CORO2B: variants seen among roughly 807,000 people sequenced by gnomAD.
CORO2B encodes coronin-2B.
CORO2B carries 26 observed loss-of-function variants against 58.8 expected under a neutral mutation model. That is an observed-to-expected ratio of 0.44 (90% CI 0.32 to 0.61). The LOEUF is 0.61. Among genes scored for constraint, CORO2B ranks in the 20% least tolerant of loss-of-function variants. The pLI is 0.04. For missense variants in CORO2B, 460 were observed against 645.1 expected, an observed-to-expected ratio of 0.71 and a Z score of 3.11; for synonymous variants, 242 against 253.8, an observed-to-expected ratio of 0.95 and a Z score of 0.44.
chr15:68,635,545 A>T (rs1276868912), intron 1 of CORO2B, among the ~76,000 whole-genome samples: 2 of 152,140 alleles, frequency 1.3e-5, no homozygotes, highest in Admixed American at 1.3e-4. Context: ...TGCAGTGTGG[A>T]CCGGTCATCC....
intron 1 of CORO2B, among the ~76,000 whole-genome samples, chr15:68,623,191 A>G (rs1456577870): frequency 6.6e-6 from 1 of 152,184 alleles, no homozygotes; most frequent in African/African-American, 2.4e-5. Flanking sequence ...AATTTAAATT[A>G]AAAAAAGATG....
At chr15:68,722,152 T>TG (rs1893177376) in intron 11 of CORO2B, among the ~76,000 whole-genome samples, 3 of 152,226 alleles carry the variant, frequency 2.0e-5, no homozygotes, top group Admixed American at 2.0e-4. Flanking sequence ...AGCTCAGTTC[T>TG]GGCACTGGGT....
At chr15:68,586,000 C>T (rs1899547084) in intron 1 of CORO2B, among the ~76,000 whole-genome samples, 1 of 152,174 alleles carries the variant, frequency 6.6e-6, no homozygotes, top group African/African-American at 2.4e-5. Context: ...CCTTACGAAG[C>T]AGCCTTTTCT....
At chr15:68,567,176 C>G in the CORO2B span, among the ~76,000 whole-genome samples, 4 of 152,186 alleles carry the variant, frequency 2.6e-5, no homozygotes, top group South Asian at 4.2e-4. Context: ...CTCCAACCCC[C>G]CTTCGGCTCT....
intron 11 of CORO2B, 52 bp from the exon 12 acceptor site, chr15:68,725,791 T>A (rs1674552672): frequency 6.2e-7 from 1 of 1,601,764 alleles, no homozygotes; most frequent in South Asian, 1.1e-5. Flanking sequence ...AATCCTTGTC[T>A]CACCTGCTCT....
At chr15:68,518,694 A>G in the CORO2B span, among the ~76,000 whole-genome samples, 17,723 of 151,274 alleles carry the variant, frequency 0.12, 1,294 homozygotes, top group Admixed American at 0.17. Flanking sequence ...GCTGATCTCT[A>G]CCCTAGGGTC....
At chr15:68,527,882 T>G in the CORO2B span, among the ~76,000 whole-genome samples, 1 of 152,202 alleles carries the variant, frequency 6.6e-6, no homozygotes, top group Non-Finnish European at 1.5e-5. Context: ...GTGTTTCCTA[T>G]TAATTGATGC....
At chr15:68,626,760 A>T (rs1456367323) in intron 1 of CORO2B, among the ~76,000 whole-genome samples, 2 of 152,086 alleles carry the variant, frequency 1.3e-5, no homozygotes, top group Non-Finnish European at 2.9e-5. Context: ...CTTATGAAAA[A>T]ACGTCTCCAC....
chr15:68,557,692 C>G, the CORO2B span, among the ~76,000 whole-genome samples: 1 of 152,354 alleles, frequency 6.6e-6, no homozygotes, highest in South Asian at 2.1e-4. Context: ...TTCATTATCC[C>G]TTTGAAGCAC....
intron 1 of CORO2B, among the ~76,000 whole-genome samples, chr15:68,582,573 T>G (rs1220143081): frequency 6.6e-6 from 1 of 152,246 alleles, no homozygotes; most frequent in East Asian, 1.9e-4. Flanking sequence ...AGACTAGCAG[T>G]GCTTCTCCAG....
chr15:68,595,309 C>G (rs958685610), intron 1 of CORO2B, among the ~76,000 whole-genome samples: 1 of 152,256 alleles, frequency 6.6e-6, no homozygotes. Flanking sequence ...TCCCTGAGAA[C>G]ACTGGCAGGA....
intron 1 of CORO2B, among the ~76,000 whole-genome samples, chr15:68,629,435 G>A (rs1900768088): frequency 1.3e-5 from 2 of 152,206 alleles, no homozygotes; most frequent in Admixed American, 6.5e-5. Flanking sequence ...GGACTGGAGT[G>A]GTCCTGACGC....
chr15:68,695,444 C>G (rs992725023), intron 3 of CORO2B, among the ~76,000 whole-genome samples, 188 bp downstream of exon 3: 3 of 152,216 alleles, frequency 2.0e-5, no homozygotes, highest in African/African-American at 7.2e-5. Context: ...CAAATCCCTG[C>G]TGGATTCCAG....
chr15:68,599,447 T>C (rs1481004576), intron 1 of CORO2B, among the ~76,000 whole-genome samples: 2 of 152,198 alleles, frequency 1.3e-5, no homozygotes, highest in Non-Finnish European at 2.9e-5. Context: ...TGCATGGATA[T>C]AAGAATCTAT....
chr15:68,710,758 C>T lies in CORO2B; in HGVS notation c.360C>T (p.Gly120=), dbSNP rs565960720. ...TSVRIWEIPE[G]GLKRNMTEAL... Reference sequence around the variant, plus strand: ...TGCGGATCTGGGAGATCCCCGAGGGCGGGCTGAAGCGGAACATGACGGAGG... The same window carrying T: ...TGCGGATCTGGGAGATCCCCGAGGGTGGGCTGAAGCGGAACATGACGGAGG... The change falls in exon 4 of 12, where the codon GGC becomes GGT. Residue 120 remains glycine (G), a synonymous_variant. Coordinates refer to ENST00000261861, the MANE Select transcript of CORO2B (RefSeq NM_006091.5). This position sits in a 1 kb window ranked among gnomAD's most constrained non-coding sequence, Gnocchi z 4.1. The T allele has an allele frequency of 8.1e-6, 13 of 1,609,866 alleles. No homozygotes were observed. In the East Asian group the frequency reaches 1.1e-4, roughly 14 times the overall value.
At chr15:68,531,928 T>G in the CORO2B span, among the ~76,000 whole-genome samples, 1 of 152,092 alleles carries the variant, frequency 6.6e-6, no homozygotes, top group Non-Finnish European at 1.5e-5. Context: ...ATATTTTTAC[T>G]GAATATAGAA....
At chr15:68,684,121 A>G (rs1902882553) in intron 2 of CORO2B, among the ~76,000 whole-genome samples, 1 of 152,176 alleles carries the variant, frequency 6.6e-6, no homozygotes, top group Non-Finnish European at 1.5e-5. Context: ...GAGATAAACC[A>G]GTGGGCCCAC....
At chr15:68,531,554 A>T in the CORO2B span, among the ~76,000 whole-genome samples, 1 of 63,722 alleles carries the variant, frequency 1.6e-5, no homozygotes, top group Admixed American at 1.7e-4. Flanking sequence ...GAAGGAAGGA[A>T]GGAAAGAAAG....
chr15:68,624,244 T>C (rs1344119207), intron 1 of CORO2B, among the ~76,000 whole-genome samples: 1 of 152,138 alleles, frequency 6.6e-6, no homozygotes, highest in African/African-American at 2.4e-5. Context: ...AGACTTGCAG[T>C]GGTGTGAGAC....
Sources: gnomAD v4.1 joint callset for allele counts (sites outside exome capture counted in the v4.1 genomes callset) on GRCh38, gnomAD v4.1.1 for gene constraint, Gnocchi (gnomAD v3.1) non-coding constraint, MANE v1.5 for transcripts, NCBI Gene and HGNC (gene_info 2026-07-23, HGNC 2026-07-21) for gene names.